Variants in ITFG1 observed in about 807,000 individuals in gnomAD.
The protein encoded by ITFG1 is T-cell immunomodulatory protein.
A neutral mutation model predicts 81.8 loss-of-function variants in ITFG1; 34 were observed. That is an observed-to-expected ratio of 0.42 (90% confidence interval 0.32 to 0.55). The LOEUF is 0.55. Ranked by LOEUF, ITFG1 falls within the 20% of genes least tolerant of loss-of-function variation. The pLI, the probability that ITFG1 is intolerant of heterozygous loss-of-function variation, is 0.17. For missense variants in ITFG1, 672 were observed against 755.4 expected, an observed-to-expected ratio of 0.89 and a Z score of 1.29; for synonymous variants, 285 against 270.6, an observed-to-expected ratio of 1.05 and a Z score of -0.52.
chr16:47,252,697 C>T (rs779912627), intron 12 of ITFG1, among the ~76,000 whole-genome samples: 7 of 152,122 alleles, frequency 4.6e-5, no homozygotes, highest in Non-Finnish European at 8.8e-5. Context: ...ATTGCCATGG[C>T]CACATATAAA....
chr16:47,242,003 G>A (rs914622262), intron 12 of ITFG1, among the ~76,000 whole-genome samples: 16 of 151,840 alleles, frequency 1.1e-4, no homozygotes, highest in Non-Finnish European at 1.8e-4. Flanking sequence ...TAGGTACAGG[G>A]TTTCTTTCGG....
At chr16:47,349,335 C>T (rs1226801921) in intron 8 of ITFG1, among the ~76,000 whole-genome samples, 1 of 152,092 alleles carries the variant, frequency 6.6e-6, no homozygotes, top group Non-Finnish European at 1.5e-5. Context: ...CAGAGACACA[C>T]ATAGGCTCAA....
rs567508668 is a variant in ITFG1 at position 47,329,325 on chromosome 16, T to G, written c.803-15502A>C. Among the ~76,000 whole-genome samples, 4 of 152,226 alleles carry G rather than the reference T, an allele frequency of 2.6e-5. No individual in the cohort carries two copies. In the South Asian group the frequency reaches 8.3e-4, roughly 32 times the overall value. ...GACTGTCTGTTACTAGGGTGCTTAG[T>G]CAATTCAGTTTTTCTATCCACAAAA... On this transcript the variant is annotated intron_variant, in intron 8 of 17. Coordinates refer to ENST00000320640, the MANE Select transcript of ITFG1 (RefSeq NM_030790.5).
At chr16:47,328,154 A>G (rs1044026743) in intron 8 of ITFG1, among the ~76,000 whole-genome samples, 3 of 152,162 alleles carry the variant, frequency 2.0e-5, no homozygotes, top group South Asian at 2.1e-4. Flanking sequence ...AAAAATGATG[A>G]GTTCATGTCC....
chr16:47,309,592 T>TA (rs1208277323), intron 10 of ITFG1, among the ~76,000 whole-genome samples: 1 of 152,228 alleles, frequency 6.6e-6, no homozygotes, highest in Non-Finnish European at 1.5e-5. Context: ...GAATGAACAC[T>TA]AAGATGAACT....
chr16:47,455,777 C>CAAAAAAAAAAAAAAAAAAAAAAAAAA (rs1325999369), intron 2 of ITFG1, among the ~76,000 whole-genome samples: 1 of 46,276 alleles, frequency 2.2e-5, no homozygotes, highest in African/African-American at 7.9e-5. Context: ...CATCCCCCAC[C>CAAAAAAAAAAAAAAAAAAAAAAAAAA]AAAAAAAAAA....
chr16:47,401,907 C>A (rs1177908007), intron 6 of ITFG1, among the ~76,000 whole-genome samples: 1 of 152,090 alleles, frequency 6.6e-6, no homozygotes, highest in Non-Finnish European at 1.5e-5. Flanking sequence ...CACTACCCCC[C>A]ATCCCATGTC....
At chr16:47,318,531 T>G (rs1240578256) in intron 8 of ITFG1, among the ~76,000 whole-genome samples, 2 of 152,072 alleles carry the variant, frequency 1.3e-5, no homozygotes, top group East Asian at 3.9e-4. Flanking sequence ...AATTGTTACA[T>G]TAAATTAAAA....
intron 2 of ITFG1, among the ~76,000 whole-genome samples, chr16:47,455,889 A>C (rs1969446572): frequency 6.6e-6 from 1 of 152,026 alleles, no homozygotes; most frequent in Admixed American, 6.6e-5. Context: ...AACAGATAAG[A>C]TAAAGGAATA....
chr16:47,308,741 T>C (rs1216426180), intron 10 of ITFG1, among the ~76,000 whole-genome samples: 3 of 152,222 alleles, frequency 2.0e-5, no homozygotes, highest in Non-Finnish European at 4.4e-5. Flanking sequence ...TTCTCATGGC[T>C]GATACTCAGA....
intron 6 of ITFG1, among the ~76,000 whole-genome samples, chr16:47,398,399 C>T (rs966949139): frequency 6.6e-6 from 1 of 152,138 alleles, no homozygotes; most frequent in Non-Finnish European, 1.5e-5. Context: ...AAACATGGCT[C>T]GCTATTCTTC....
At chr16:47,372,852 AT>A (rs1427666068) in intron 7 of ITFG1, among the ~76,000 whole-genome samples, 2 of 152,050 alleles carry the variant, frequency 1.3e-5, no homozygotes, top group African/African-American at 2.4e-5. Flanking sequence ...TATTTCCAAC[AT>A]TTCCTTCTTT....
chr16:47,432,572 C>T (rs1192583619), intron 5 of ITFG1, among the ~76,000 whole-genome samples: 1 of 152,144 alleles, frequency 6.6e-6, no homozygotes, highest in Non-Finnish European at 1.5e-5. Context: ...ACAGTAAAAT[C>T]AAAACCAAGC....
intron 10 of ITFG1, among the ~76,000 whole-genome samples, chr16:47,274,218 T>C (rs1318803528): frequency 3.3e-5 from 5 of 151,664 alleles, no homozygotes; most frequent in East Asian, 1.9e-4. Flanking sequence ...GATTACGCCA[T>C]TGCACTCCAG....
At chr16:47,387,971 G>A (rs1247509640) in intron 6 of ITFG1, among the ~76,000 whole-genome samples, 1 of 151,670 alleles carries the variant, frequency 6.6e-6, no homozygotes, top group Non-Finnish European at 1.5e-5. Flanking sequence ...TTAAAGAAGT[G>A]AAGTGTGCCT....
At chr16:47,445,760 A>C (rs555317693) in intron 5 of ITFG1, among the ~76,000 whole-genome samples, 1 of 152,202 alleles carries the variant, frequency 6.6e-6, no homozygotes, top group African/African-American at 2.4e-5. Flanking sequence ...CCTATGTTTC[A>C]TGGAATGCTT....
At chr16:47,418,045 A>AT (rs939015332) in intron 6 of ITFG1, among the ~76,000 whole-genome samples, 23 of 149,420 alleles carry the variant, frequency 1.5e-4, no homozygotes, top group South Asian at 1.0e-3. Context: ...TTTGTTTGAG[A>AT]TTTTTTTTTT....
At chr16:47,185,770 T>G (rs1457503828) in intron 14 of ITFG1, among the ~76,000 whole-genome samples, 3 of 151,802 alleles carry the variant, frequency 2.0e-5, no homozygotes, top group Non-Finnish European at 2.9e-5. Context: ...AGAGCAGAAC[T>G]GAAGGAAATA....
intron 5 of ITFG1, among the ~76,000 whole-genome samples, chr16:47,442,596 G>T (rs977237327): frequency 6.6e-6 from 1 of 152,004 alleles, no homozygotes; most frequent in East Asian, 1.9e-4. Context: ...AAATAATGTC[G>T]CATATCTACA....
Sources: gnomAD v4.1 joint callset for allele counts (sites outside exome capture counted in the v4.1 genomes callset) on GRCh38, gnomAD v4.1.1 for gene constraint, MANE v1.5 for transcripts, NCBI Gene and HGNC (gene_info 2026-07-23, HGNC 2026-07-21) for gene names.